TGFBRAP1: variants seen among roughly 807,000 people sequenced by gnomAD.
TGFBRAP1 encodes transforming growth factor beta receptor associated protein 1.
A neutral mutation model predicts 83.2 loss-of-function variants in TGFBRAP1; 20 were observed. That is an observed-to-expected ratio of 0.24 (90% CI 0.17 to 0.35). The LOEUF (loss-of-function observed/expected upper bound fraction) is 0.35. Among genes scored for constraint, TGFBRAP1 ranks in the 10% least tolerant of loss-of-function variants. TGFBRAP1 has a pLI of 1.00. For missense variants in TGFBRAP1, 950 were observed against 1,099.4 expected (o/e 0.86, Z 1.92); for synonymous variants, 415 against 459.8 (o/e 0.90, Z 1.25).
chr2:105,312,681 A>G (rs2104402392), intron 1 of TGFBRAP1, among the ~76,000 whole-genome samples: 1 of 152,394 alleles, frequency 6.6e-6, no homozygotes, highest in East Asian at 1.9e-4. Flanking sequence ...TTGTCATTTT[A>G]AAGATTCTGC....
At chr2:105,288,434 G>A (rs1007879200) in intron 4 of TGFBRAP1, among the ~76,000 whole-genome samples, 5 of 152,094 alleles carry the variant, frequency 3.3e-5, no homozygotes, top group African/African-American at 4.8e-5. Context: ...TAGATTATAC[G>A]ATCAACTGCA....
intron 1 of TGFBRAP1, among the ~76,000 whole-genome samples, chr2:105,322,677 A>G (rs1009659709): frequency 2.0e-5 from 3 of 152,210 alleles, no homozygotes; most frequent in Non-Finnish European, 4.4e-5. Context: ...ACAATAGGCC[A>G]TACCCATATA....
the TGFBRAP1 span, among the ~76,000 whole-genome samples, chr2:105,251,175 C>A: frequency 7.4e-5 from 11 of 149,066 alleles, no homozygotes; most frequent in African/African-American, 2.7e-4. Context: ...TGAGGAGAGT[C>A]TCTGCCCGGC....
chr2:105,286,125 G>A (rs1677712364), intron 4 of TGFBRAP1, among the ~76,000 whole-genome samples: 1 of 152,168 alleles, frequency 6.6e-6, no homozygotes, highest in African/African-American at 2.4e-5. Context: ...TCTATCTGCA[G>A]GGAAATGGAA....
At chr2:105,251,627 C>T in the TGFBRAP1 span, among the ~76,000 whole-genome samples, 3 of 152,162 alleles carry the variant, frequency 2.0e-5, no homozygotes, top group African/African-American at 4.8e-5. Flanking sequence ...CCGGCCGCCA[C>T]CCCGTCTGGG....
At chr2:105,256,858 G>C in the TGFBRAP1 span, among the ~76,000 whole-genome samples, 2 of 152,198 alleles carry the variant, frequency 1.3e-5, no homozygotes, top group Non-Finnish European at 2.9e-5. Flanking sequence ...AAAACAGCTT[G>C]CAGTAAAGAA....
intron 3 of TGFBRAP1, 89 bp downstream of exon 3, chr2:105,298,422 G>C (rs78729031): frequency 1.4e-6 from 2 of 1,397,224 alleles, no homozygotes; most frequent in African/African-American, 2.9e-5. Context: ...TATGCTTAGC[G>C]CAAGGCCCAG....
chr2:105,301,765 T>G (rs373886789), intron 2 of TGFBRAP1, among the ~76,000 whole-genome samples: 1 of 152,136 alleles, frequency 6.6e-6, no homozygotes, highest in Non-Finnish European at 1.5e-5. Flanking sequence ...TCTTGGTGTG[T>G]TGCACAGGCT....
chr2:105,288,567 G>A (rs1462438649), intron 4 of TGFBRAP1, among the ~76,000 whole-genome samples: 5 of 152,120 alleles, frequency 3.3e-5, no homozygotes, highest in Non-Finnish European at 5.9e-5. Flanking sequence ...CCATAACATG[G>A]AGAATATAAC....
intron 9 of TGFBRAP1, 55 bp downstream of exon 9, chr2:105,273,489 G>C (rs1677229554): frequency 2.5e-6 from 4 of 1,599,876 alleles, no homozygotes; most frequent in Non-Finnish European, 3.4e-6. Flanking sequence ...AAGTGTTCTA[G>C]TTCAATTCCG....
In TGFBRAP1 at chr2:105,298,733, G is replaced by A. The variant is rs111761887; in HGVS notation, c.689-28C>T. The A allele has an allele frequency of 3.9e-6, 6 of 1,533,838 alleles. No individual in the cohort carries two copies. In the African/African-American group the frequency reaches 6.9e-5, roughly 18 times the overall value. On this transcript the variant is annotated intron_variant, in intron 2 of 11. Transcript: ENST00000393359. ...AGAAGTAAGAAGAAAGAGTTAGGTA[G>A]GCTTCCAAATAAGCATGGTGTCATT...
intron 4 of TGFBRAP1, among the ~76,000 whole-genome samples, chr2:105,290,968 C>G (rs1257835649): frequency 1.3e-5 from 2 of 152,076 alleles, no homozygotes; most frequent in African/African-American, 4.8e-5. Context: ...GATTGCGCCA[C>G]TGCACTCCAG....
rs114212410 is a variant in TGFBRAP1, at chr2:105,269,739, G to A, written c.1973-34C>T. 3,324 of 1,465,724 alleles carry A rather than the reference G, an allele frequency of 2.3e-3. 69 individuals are homozygous for A. In the African/African-American group the frequency reaches 0.043, roughly 19 times the overall value. 90.8% of individuals were successfully genotyped at this position (1,465,724 alleles called of 1,614,324 possible). On this transcript the variant is annotated intron_variant, in intron 10 of 11. Coordinates refer to ENST00000393359, the MANE Select transcript of TGFBRAP1 (RefSeq NM_004257.6). This position sits in a 1 kb window ranked among gnomAD's most constrained non-coding sequence, Gnocchi z 4.1. ...CAGAACCTGCAGCTCAGAAAGAAAG[G>A]GGCTCGCCGGCCACCCGCCCAGCGA...
At chr2:105,249,666 T>C in the TGFBRAP1 span, 1 of 152,164 alleles carries the variant, frequency 6.6e-6, no homozygotes, top group African/African-American at 2.4e-5. Flanking sequence ...GAAAAAAAAT[T>C]ACTATTTAAA....
At chr2:105,256,715 C>T in the TGFBRAP1 span, among the ~76,000 whole-genome samples, 1 of 152,200 alleles carries the variant, frequency 6.6e-6, no homozygotes. Context: ...AACCAGAGCA[C>T]TCCATCTTGA....
chr2:105,285,147 A>T (rs1677672282), intron 4 of TGFBRAP1, among the ~76,000 whole-genome samples: 1 of 152,228 alleles, frequency 6.6e-6, no homozygotes, highest in African/African-American at 2.4e-5. Context: ...GTTCCTACAG[A>T]TGCCAACACC....
At chr2:105,274,514 C>T (rs2576736) in intron 8 of TGFBRAP1, among the ~76,000 whole-genome samples, 120,021 of 152,216 alleles carry the variant, frequency 0.79, 47,467 homozygotes, top group African/African-American at 0.83. Context: ...CACTGAGGGG[C>T]TGCTATGATG....
chr2:105,290,615 C>CTGTGTGTGTGTGTG (rs201513561), intron 4 of TGFBRAP1, among the ~76,000 whole-genome samples: 1 of 103,784 alleles, frequency 9.6e-6, no homozygotes, highest in Non-Finnish European at 2.2e-5. Flanking sequence ...AACAGAGAGA[C>CTGTGTGTGTGTGTG]AGTGTGTGTG....
Position 105,307,946 on chromosome 2 carries a change from G to A in TGFBRAP1, c.356C>T (p.Ala119Val), listed in dbSNP as rs747408927. 1 of 1,614,230 alleles carries A rather than the reference G, an allele frequency of 6.2e-7. No homozygotes were observed. Among genetic ancestry groups the A allele is most frequent in the Non-Finnish European group, 8.5e-7 (1 of 1,180,042 alleles). Residue 119 changes from alanine to valine, a missense_variant, in exon 2 of 12, where the codon GCA becomes GTA. Physicochemically the swap from Ala to Val is moderately conservative, Grantham distance 64 (BLOSUM62 0). Transcript: ENST00000393359. ...PVPSGARIKG[A>V]ATFALNENPV... ...GTTCTCGTTCAGTGCAAACGTGGCTGCCCCCTTGATGCGGGCCCCCGAAGG... is the reference window on the plus strand; with the variant it reads ...GTTCTCGTTCAGTGCAAACGTGGCTACCCCCTTGATGCGGGCCCCCGAAGG...
Sources: gnomAD v4.1 joint callset for allele counts (sites outside exome capture counted in the v4.1 genomes callset) on GRCh38, gnomAD v4.1.1 for gene constraint, Gnocchi (gnomAD v3.1) non-coding constraint, MANE v1.5 for transcripts, NCBI Gene and HGNC (gene_info 2026-07-23, HGNC 2026-07-21) for gene names.